The following SPPL2B variants were observed in gnomAD, a reference collection of about 807,000 sequenced individuals.
SPPL2B encodes signal peptide peptidase-like 2B.
In SPPL2B, 39 loss-of-function variants were observed where a neutral mutation model predicts 59.7. The ratio of observed to expected loss-of-function variants is 0.65; its 90% CI spans 0.51 to 0.85. SPPL2B has a LOEUF of 0.85. Ranked by LOEUF, SPPL2B falls within the 40% of genes least tolerant of loss-of-function variation. The probability of loss-of-function intolerance (pLI) is 0.00; values close to 1 mark genes in which losing one functional copy is unlikely to be tolerated. For synonymous variants in SPPL2B, 419 were observed against 370.8 expected (o/e 1.13, Z -1.49); for missense variants, 865 against 849.0 (o/e 1.02, Z -0.23).
chr19:2,339,547 T>C (rs1968883807), intron 5 of SPPL2B: 2 of 585,968 alleles, frequency 3.4e-6, no homozygotes, highest in South Asian at 4.0e-5. Context: ...CAGGGCTCTT[T>C]ATGCAGATCC....
intron 13 of SPPL2B, among the ~76,000 whole-genome samples, chr19:2,350,811 G>A (rs1969886109): frequency 6.6e-6 from 1 of 152,266 alleles, no homozygotes; most frequent in African/African-American, 2.4e-5. Context: ...AGGGACATGA[G>A]CAAGGGGGTC....
rs1970013394 is a variant in SPPL2B, at chr19:2,352,997, C to T, written c.1567C>T (p.Pro523Ser). 6.2e-7 allele frequency: 1 copy of T among 1,612,078 alleles called. No individual in the cohort carries two copies. The highest frequency in any genetic ancestry group is 1.3e-5 in the African/African-American group (1 of 74,916). Reference protein sequence around the residue: ...WAPAPADGPQPPKDSATPLSP... With the variant: ...WAPAPADGPQSPKDSATPLSP... ...CCCAGCACCAGCCGACGGCCCGCAG[C>T]CTCCCAAAGACTCTGCCACGCCACT... The change falls in exon 15 of 15, where the codon CCT becomes TCT. Residue 523 changes from proline (P) to serine (S), a missense_variant. Coordinates refer to ENST00000613503, the MANE Select transcript of SPPL2B (RefSeq NM_152988.3).
At chr19:2,351,961 G>A (rs1261914966) in intron 14 of SPPL2B, among the ~76,000 whole-genome samples, 2 of 152,148 alleles carry the variant, frequency 1.3e-5, no homozygotes, top group Non-Finnish European at 2.9e-5. Context: ...CGTGGGCATC[G>A]GGCATCCATC....
At chr19:2,340,514 A>T in intron 7 of SPPL2B, 1 of 596,558 alleles carries the variant, frequency 1.7e-6, no homozygotes. Flanking sequence ...TCTTAGGGGT[A>T]AAGGGAGCTG....
In SPPL2B at chr19:2,332,662, G is replaced by A. The variant is rs549218111; in HGVS notation, c.67-1940G>A. Reference sequence around the variant, plus strand: ...TGCAGCCCCAGAAGGCTGAGGGCTGGGTGCTCCTGAGAACGGGCAGGCCTA... The same window carrying A: ...TGCAGCCCCAGAAGGCTGAGGGCTGAGTGCTCCTGAGAACGGGCAGGCCTA... On this transcript the variant is annotated intron_variant, in intron 1 of 14. Transcript: ENST00000613503. The surrounding 1 kb of genome is among the most constrained non-coding windows in gnomAD (Gnocchi z 4.6). 5.3e-5 allele frequency among the ~76,000 whole-genome samples: 8 copies of A among 152,314 alleles called. No individual in the cohort carries two copies. The South Asian group carries it at 1.7e-3, about 32-fold the overall frequency.
At chr19:2,336,997 G>GT (rs1568432810) in intron 2 of SPPL2B, 8 of 158,482 alleles carry the variant, frequency 5.0e-5, no homozygotes, top group African/African-American at 2.0e-4. Flanking sequence ...CCTGGCTGTG[G>GT]GTGTGTGTGT....
chr19:2,353,468 C>CAGGAGGA lies in SPPL2B; in HGVS notation c.*259_*260insAGGAGGA, dbSNP rs1568459512. On this transcript the variant is annotated 3_prime_UTR_variant, in exon 15 of 15. Coordinates refer to ENST00000613503, the MANE Select transcript of SPPL2B (RefSeq NM_152988.3). Reference sequence around the variant, plus strand: ...CTCTCTGCGGGTCCATCCTCCCCACCGGGGTCCGTCCTCGCAGGCCCTGCC... The same window carrying CAGGAGGA: ...CTCTCTGCGGGTCCATCCTCCCCACCAGGAGGAGGGGTCCGTCCTCGCAGGCCCTGCC... The CAGGAGGA allele has an allele frequency of 8.7e-6, 1 of 115,566 alleles. No individual in the cohort carries two copies. Among genetic ancestry groups the CAGGAGGA allele is most frequent in the Non-Finnish European group, 2.2e-5 (1 of 44,900 alleles). 7.2% of individuals were successfully genotyped at this position (115,566 alleles called of 1,614,324 possible).
At chr19:2,343,834 C>T in intron 9 of SPPL2B, 131 bp from the exon 10 acceptor site, 1 of 669,030 alleles carries the variant, frequency 1.5e-6, no homozygotes, top group African/African-American at 1.8e-5. Flanking sequence ...TGGTGCGTCC[C>T]TGGCACTGGG....
intron 13 of SPPL2B, among the ~76,000 whole-genome samples, chr19:2,348,815 T>A (rs1170220002): frequency 3.3e-5 from 2 of 60,546 alleles, no homozygotes; most frequent in South Asian, 5.7e-4. Flanking sequence ...CACACTCGTG[T>A]TCTCATTCGC....
rs528451975 is a variant in SPPL2B at position 2,338,410 on chromosome 19, G to A, written c.370-342G>A. 5.0e-3 allele frequency: 1,004 copies of A among 199,190 alleles called. 4 individuals are homozygous for A. The highest frequency in any genetic ancestry group is 6.7e-3 in the Non-Finnish European group (660 of 98,132). The allele number at this position is 199,190 out of a possible 1,614,324, so 12.3% of individuals were successfully genotyped here. A position where few individuals can be genotyped will look rare whatever the true frequency, so the allele number is the denominator to read the frequency against. ...TTGAGAGAGGCCCTCAGTGGGTGCG[G>A]GGCTCAAGGCGGCTTAGTGGGCAGG... On this transcript the variant is annotated intron_variant, in intron 3 of 14. Coordinates refer to ENST00000613503, the MANE Select transcript of SPPL2B (RefSeq NM_152988.3).
At chr19:2,331,946 G>A (rs900613954) in intron 1 of SPPL2B, among the ~76,000 whole-genome samples, 3 of 152,234 alleles carry the variant, frequency 2.0e-5, no homozygotes, top group South Asian at 2.1e-4. Flanking sequence ...GGCCTCTGCC[G>A]TGACCCATAA....
chr19:2,331,465 G>C (rs1238409105), intron 1 of SPPL2B, among the ~76,000 whole-genome samples: 2 of 152,174 alleles, frequency 1.3e-5, no homozygotes, highest in Non-Finnish European at 2.9e-5. Flanking sequence ...CCCTCTTAGA[G>C]CTGTGGCCTT....
intron 8 of SPPL2B, chr19:2,341,271 C>T (rs1012615770): frequency 2.0e-5 from 13 of 651,748 alleles, no homozygotes; most frequent in African/African-American, 1.2e-4. Context: ...CCAGGAGCCA[C>T]GTCCTCCAGC....
chr19:2,348,184 A>T (rs1969594485), intron 13 of SPPL2B, among the ~76,000 whole-genome samples: 1 of 85,284 alleles, frequency 1.2e-5, no homozygotes, highest in African/African-American at 5.0e-5. Context: ...TCGCGCTCTC[A>T]TTCGCTTGAT....
In SPPL2B at chr19:2,353,222, A is replaced by T. The variant is rs763993985; in HGVS notation, c.*13A>T. 11 of 1,572,644 alleles carry T rather than the reference A, an allele frequency of 7.0e-6. No homozygotes were observed. The highest frequency in any genetic ancestry group is 8.6e-6 in the Non-Finnish European group (10 of 1,167,574). Reference sequence around the variant, plus strand: ...CGCCTCGGCCTAGGGGAGGGGTGAGACGCTCGCTGCCGTGCCCGCCACACC... The same window carrying T: ...CGCCTCGGCCTAGGGGAGGGGTGAGTCGCTCGCTGCCGTGCCCGCCACACC... On this transcript the variant is annotated 3_prime_UTR_variant, in exon 15 of 15. Coordinates refer to ENST00000613503, the MANE Select transcript of SPPL2B (RefSeq NM_152988.3).
intron 9 of SPPL2B, 77 bp downstream of exon 9, chr19:2,343,369 C>A: frequency 8.1e-7 from 1 of 1,241,570 alleles, no homozygotes. Context: ...CCGTGTGGGG[C>A]TGTGGTCCTT....
chr19:2,343,346 A>G, intron 9 of SPPL2B, 54 bp downstream of exon 9: 1 of 1,424,376 alleles, frequency 7.0e-7, no homozygotes. Context: ...GGGGCCCTTC[A>G]TCCTAGCCTG....
intron 8 of SPPL2B, chr19:2,341,419 A>C (rs1969046169): frequency 6.5e-6 from 3 of 461,572 alleles, no homozygotes; most frequent in South Asian, 4.7e-5. Flanking sequence ...CCTCTTGGTC[A>C]TGACTGCTGC....
chr19:2,338,504 A>T, intron 3 of SPPL2B: 1 of 460,530 alleles, frequency 2.2e-6, no homozygotes, highest in Non-Finnish European at 3.9e-6. Context: ...CGAGGGAGGG[A>T]TTAGTGGCGC....
Sources: allele counts gnomAD v4.1 joint callset (sites outside exome capture counted in the v4.1 genomes callset), GRCh38; gene constraint gnomAD v4.1.1; non-coding constraint Gnocchi (gnomAD v3.1); transcripts MANE v1.5; gene names NCBI Gene and HGNC (gene_info 2026-07-23, HGNC 2026-07-21).